The following AGMO variants were observed in gnomAD, a reference collection of about 807,000 sequenced individuals.
The protein encoded by AGMO is alkylglycerol monooxygenase.
In AGMO, 75 loss-of-function variants were observed where a neutral mutation model predicts 60.2. The ratio of observed to expected loss-of-function variants is 1.25; its 90% CI spans 1.03 to 1.51. The LOEUF (loss-of-function observed/expected upper bound fraction) is 1.51. Ranked by LOEUF, AGMO falls within the 40% of genes most tolerant of loss-of-function variation. AGMO has a pLI of 0.00. For synonymous variants in AGMO, 261 were observed against 177.1 expected, an observed-to-expected ratio of 1.47 and a Z score of -3.76; for missense variants, 763 against 525.5, an observed-to-expected ratio of 1.45 and a Z score of -4.42.
chr7:15,542,325 C>T (rs904497369), intron 3 of AGMO, among the ~76,000 whole-genome samples: 2 of 151,992 alleles, frequency 1.3e-5, no homozygotes, highest in Non-Finnish European at 2.9e-5. Context: ...TAATGCCTGC[C>T]TTTTTTACTG....
At chr7:15,201,414 G>C in intron 12 of AGMO, 55 bp from the exon 13 acceptor site, 1 of 1,224,862 alleles carries the variant, frequency 8.2e-7, no homozygotes, top group South Asian at 1.3e-5. Flanking sequence ...CAATACTATT[G>C]CTCAACTGAA....
In AGMO at chr7:15,254,196, T is replaced by C. The variant is rs1004911938; in HGVS notation, c.1264-52837A>G. Among the ~76,000 whole-genome samples, 12 of 152,308 alleles carry C rather than the reference T, an allele frequency of 7.9e-5. No homozygotes were observed. The East Asian group carries it at 2.3e-3, about 29-fold the overall frequency. On this transcript the variant is annotated intron_variant, in intron 12 of 12. Transcript: ENST00000342526. ...TATCTTAATAGTGCTACAATTTTCG[T>C]GAGAGTGCAGATGTCTCTCTAACAT...
chr7:15,224,969 G>A (rs1447821078), intron 12 of AGMO, among the ~76,000 whole-genome samples: 2 of 151,826 alleles, frequency 1.3e-5, no homozygotes, highest in Admixed American at 1.3e-4. Context: ...TCGGACAGTA[G>A]GAATATTATA....
intron 10 of AGMO, among the ~76,000 whole-genome samples, chr7:15,369,319 CAT>C (rs1783108131): frequency 6.6e-6 from 1 of 152,046 alleles, no homozygotes; most frequent in African/African-American, 2.4e-5. Context: ...TCATGTCACA[CAT>C]GTTCTAAACC....
At chr7:15,369,709 T>C (rs560419752) in intron 10 of AGMO, among the ~76,000 whole-genome samples, 8 of 152,304 alleles carry the variant, frequency 5.3e-5, no homozygotes, top group Non-Finnish European at 1.0e-4. Flanking sequence ...GTTGTCTGTC[T>C]CCTCTTGCTA....
intron 12 of AGMO, chr7:15,306,532 C>T (rs1165466652): frequency 2.1e-6 from 1 of 468,582 alleles, no homozygotes; most frequent in Non-Finnish European, 4.4e-6. Context: ...TTCTCCTTGG[C>T]CTGGAGCCCA....
chr7:15,159,944 A>C, the AGMO span, among the ~76,000 whole-genome samples: 7 of 152,154 alleles, frequency 4.6e-5, no homozygotes, highest in Admixed American at 3.9e-4. Context: ...AACATGCTTA[A>C]ACTTGTTTTT....
intron 12 of AGMO, among the ~76,000 whole-genome samples, chr7:15,216,926 A>G (rs112793008): frequency 8.5e-5 from 13 of 152,138 alleles, no homozygotes; most frequent in African/African-American, 2.9e-4. Context: ...ATAGATGTAC[A>G]TATCTCACAC....
At chr7:15,502,478 A>G (rs1295891551) in intron 3 of AGMO, among the ~76,000 whole-genome samples, 1 of 152,002 alleles carries the variant, frequency 6.6e-6, no homozygotes, top group Non-Finnish European at 1.5e-5. Context: ...TCCTCAGCAT[A>G]TGGGGTCAGA....
intron 12 of AGMO, among the ~76,000 whole-genome samples, chr7:15,350,388 T>A (rs1158653657): frequency 6.6e-6 from 1 of 152,186 alleles, no homozygotes; most frequent in Non-Finnish European, 1.5e-5. Flanking sequence ...TCTGTATCCA[T>A]CAATGTCCTT....
rs573989986 is a variant in AGMO at position 15,373,392 on chromosome 7, T to C, written c.1075-7170A>G. 2.6e-5 allele frequency among the ~76,000 whole-genome samples: 4 copies of C among 152,272 alleles called. No individual in the cohort carries two copies. The South Asian group carries it at 8.3e-4, about 32-fold the overall frequency. ...CAGAACCCTATCTACTCCAACTTTC[T>C]TTAAATAGATGGGAAAAAAATACTT... On this transcript the variant is annotated intron_variant, in intron 10 of 12. Transcript: ENST00000342526.
chr7:15,346,617 T>TAAAA (rs11417689), intron 12 of AGMO, among the ~76,000 whole-genome samples: 1,658 of 145,788 alleles, frequency 0.011, 35 homozygotes, highest in African/African-American at 0.041. Flanking sequence ...TCTTAAAAAG[T>TAAAA]AAAAAAAAAA....
chr7:15,352,486 G>A (rs1782281745), intron 12 of AGMO, among the ~76,000 whole-genome samples: 1 of 148,256 alleles, frequency 6.7e-6, no homozygotes, highest in African/African-American at 2.5e-5. Flanking sequence ...TGCAAAGGAA[G>A]AATAATGAGC....
Position 15,229,387 on chromosome 7 carries a change from A to C in AGMO, c.1264-28028T>G, listed in dbSNP as rs191652840. ...GGATTCTAAGGGTTCGAATACAAAA[A>C]TAAGATAAAATAAAATAAAATAAAT... On this transcript the variant is annotated intron_variant, in intron 12 of 12. Transcript: ENST00000342526. Among the ~76,000 whole-genome samples, 484 of 152,040 alleles carry C rather than the reference A, an allele frequency of 3.2e-3. 2 individuals carry two copies. The highest frequency in any genetic ancestry group is 0.011 in the African/African-American group (451 of 41,480).
chr7:15,475,416 T>C (rs1305565720), intron 3 of AGMO, among the ~76,000 whole-genome samples: 2 of 152,024 alleles, frequency 1.3e-5, no homozygotes, highest in Non-Finnish European at 2.9e-5. Flanking sequence ...CTGGAAACCA[T>C]CATTCTCAGG....
At chr7:15,316,059 G>A (rs1171992447) in intron 12 of AGMO, among the ~76,000 whole-genome samples, 1 of 152,024 alleles carries the variant, frequency 6.6e-6, no homozygotes, top group Non-Finnish European at 1.5e-5. Context: ...CCAACGCCAG[G>A]GAATGACCCT....
chr7:15,391,822 C>T (rs1467525298), intron 6 of AGMO, among the ~76,000 whole-genome samples: 5 of 152,116 alleles, frequency 3.3e-5, no homozygotes, highest in African/African-American at 9.7e-5. Flanking sequence ...ACATGAGTAG[C>T]CACACCTGGG....
the AGMO span, among the ~76,000 whole-genome samples, chr7:15,150,012 A>G: frequency 1.3e-5 from 2 of 151,566 alleles, no homozygotes; most frequent in East Asian, 1.9e-4. Context: ...TAGATCTTTC[A>G]CCTTCCTGGT....
At chr7:15,194,044 G>C in the AGMO span, among the ~76,000 whole-genome samples, 6 of 152,068 alleles carry the variant, frequency 3.9e-5, no homozygotes, top group African/African-American at 9.7e-5. Context: ...AATTTAGAAA[G>C]AACACTGCTT....
Sources: gnomAD v4.1 joint callset for allele counts (sites outside exome capture counted in the v4.1 genomes callset) on GRCh38, gnomAD v4.1.1 for gene constraint, MANE v1.5 for transcripts, NCBI Gene and HGNC (gene_info 2026-07-23, HGNC 2026-07-21) for gene names.